XIRP2: variants seen among roughly 807,000 people sequenced by gnomAD.
The protein encoded by XIRP2 is xin actin-binding repeat-containing protein 2.
A neutral mutation model predicts 277.0 loss-of-function variants in XIRP2; 236 were observed. That is an observed-to-expected ratio of 0.85 (90% CI 0.77 to 0.95). XIRP2 has a LOEUF of 0.95. XIRP2 is among the 40% of genes least tolerant of loss of function. The pLI is 0.00. For synonymous variants in XIRP2, 1,490 were observed against 1,416.5 expected, an observed-to-expected ratio of 1.05 and a Z score of -1.17; for missense variants, 4,640 against 4,157.5, an observed-to-expected ratio of 1.12 and a Z score of -3.19.
chr2:166,975,404 T>A (rs1686683601), intron 2 of XIRP2, among the ~76,000 whole-genome samples: 1 of 152,164 alleles, frequency 6.6e-6, no homozygotes, highest in African/African-American at 2.4e-5. Context: ...GGTCATAATA[T>A]AAATCTAAAT....
intron 2 of XIRP2, among the ~76,000 whole-genome samples, chr2:167,058,502 T>C (rs13417677): frequency 0.3 from 45,410 of 152,092 alleles, 8,116 homozygotes; most frequent in African/African-American, 0.49. Flanking sequence ...TCTTCTGGTC[T>C]ACTTGGTCTT....
In XIRP2 at chr2:167,250,925, G is replaced by A. The variant is rs375622239; in HGVS notation, c.9533G>A (p.Arg3178His). Reference sequence around the variant, plus strand: ...ACTTCCCCTTCTCCACCCAGGAGTCGCTCTGAACAACTTGTCAGACTCAAA... The same window carrying A: ...ACTTCCCCTTCTCCACCCAGGAGTCACTCTGAACAACTTGTCAGACTCAAA... ...ANTSPSPPRS[R>H]SEQLVRLKDT... The change falls in exon 9 of 11, where the codon CGC becomes CAC. Residue 3178 changes from arginine (R) to histidine (H), a missense_variant. Arg to His is a conservative substitution (Grantham distance 29). Coordinates refer to ENST00000409195, the MANE Select transcript of XIRP2 (RefSeq NM_152381.6). The A allele has an allele frequency of 8.7e-6, 14 of 1,613,062 alleles. No homozygotes were observed. Among genetic ancestry groups the A allele is most frequent in the East Asian group, 2.2e-5 (1 of 44,798 alleles).
intron 1 of XIRP2, among the ~76,000 whole-genome samples, chr2:166,893,037 G>T (rs937233806): frequency 6.6e-6 from 1 of 150,694 alleles, no homozygotes; most frequent in Non-Finnish European, 1.5e-5. Flanking sequence ...GAGAGGGATC[G>T]CATGCTGATT....
intron 2 of XIRP2, among the ~76,000 whole-genome samples, chr2:167,097,319 G>T (rs936839786): frequency 1.3e-5 from 2 of 151,942 alleles, no homozygotes; most frequent in African/African-American, 4.8e-5. Context: ...TGTCTTTTTT[G>T]ATTTTTGTTG....
intron 3 of XIRP2, among the ~76,000 whole-genome samples, chr2:167,172,836 C>T (rs868329690): frequency 1.1e-4 from 17 of 152,066 alleles, no homozygotes; most frequent in South Asian, 2.1e-4. Flanking sequence ...CCTCAGCTTA[C>T]GAAGATGATG....
chr2:167,229,049 C>T (rs1484453080), intron 5 of XIRP2, among the ~76,000 whole-genome samples: 1 of 152,112 alleles, frequency 6.6e-6, no homozygotes, highest in East Asian at 1.9e-4. Context: ...CACCTAGACC[C>T]TTTCCCCCAA....
At chr2:166,938,067 T>C (rs1685571500) in intron 2 of XIRP2, among the ~76,000 whole-genome samples, 2 of 152,202 alleles carry the variant, frequency 1.3e-5, no homozygotes, top group Admixed American at 1.3e-4. Flanking sequence ...ATTGATTTTT[T>C]GAAGGGTTTT....
At position 167,249,157 on chromosome 2, in the gene XIRP2, T is replaced by C; in HGVS notation, c.7765T>C (p.Leu2589=). 2 of 1,613,658 alleles carry C rather than the reference T, an allele frequency of 1.2e-6. No homozygotes were observed. The highest frequency in any genetic ancestry group is 1.7e-6 in the Non-Finnish European group (2 of 1,179,786). The change falls in exon 9 of 11, where the codon TTA becomes CTA. Residue 2589 remains leucine, a synonymous_variant. Transcript: ENST00000409195. The part of the protein sequence containing the change: ...HITEVEKEMP[L]QKTNEEVSLS... ...AACAGAGGTGGAAAAGGAAATGCCA[T>C]TACAAAAAACCAATGAGGAGGTTTC... is the stretch of plus-strand genomic sequence containing the variant.
In XIRP2 at chr2:167,242,721, T is replaced by C. The variant is rs889419030; in HGVS notation, c.1329T>C (p.Ala443=). Residue 443 remains alanine, a synonymous_variant, in exon 9 of 11, where the codon GCT becomes GCC. Transcript: ENST00000409195. ...VTSSTLAQIN[A]TSSGMTEEFP... ...CCTCAACTCTGGCACAAATTAATGC[T>C]ACTTCTTCAGGAATGACAGAAGAAT... The C allele has an allele frequency of 3.7e-6, 6 of 1,614,014 alleles. No individual in the cohort carries two copies. In the African/African-American group the frequency reaches 6.7e-5, roughly 18 times the overall value.
intron 2 of XIRP2, among the ~76,000 whole-genome samples, chr2:167,022,366 T>C (rs1297015437): frequency 1.3e-5 from 2 of 152,126 alleles, no homozygotes; most frequent in African/African-American, 4.8e-5. Flanking sequence ...ATTTTCTAAA[T>C]GTTGTTGGAT....
intron 2 of XIRP2, among the ~76,000 whole-genome samples, chr2:167,114,957 C>G (rs1690857053): frequency 6.6e-6 from 1 of 152,086 alleles, no homozygotes. Flanking sequence ...TGGGTATATA[C>G]CCAGTAATGG....
chr2:167,073,008 A>G lies in XIRP2; in HGVS notation c.409-62901A>G, dbSNP rs139563543. Among the ~76,000 whole-genome samples, 101 of 152,328 alleles carry G rather than the reference A, an allele frequency of 6.6e-4. No individual in the cohort carries two copies. The East Asian group carries it at 0.015, about 22-fold the overall frequency. On this transcript the variant is annotated intron_variant, in intron 2 of 10. Transcript: ENST00000409195. ...AAAGTAAAATTTTGAAACAACTATG[A>G]TACAACCATGATAGGTTTAGTGAGC...
intron 2 of XIRP2, among the ~76,000 whole-genome samples, chr2:166,923,649 G>A (rs964861497): frequency 6.6e-6 from 1 of 152,060 alleles, no homozygotes; most frequent in African/African-American, 2.4e-5. Flanking sequence ...TGGAAACCAT[G>A]TTACATCCCA....
intron 2 of XIRP2, among the ~76,000 whole-genome samples, chr2:166,942,168 T>A (rs1484305513): frequency 1.3e-5 from 2 of 152,208 alleles, no homozygotes; most frequent in African/African-American, 4.8e-5. Flanking sequence ...AAGTTTCTAA[T>A]GTTGCCATAG....
chr2:167,105,150 A>C (rs1388007991), intron 2 of XIRP2, among the ~76,000 whole-genome samples: 2 of 152,018 alleles, frequency 1.3e-5, no homozygotes, highest in Non-Finnish European at 2.9e-5. Flanking sequence ...GAAATAAAAG[A>C]GATCCCATGC....
chr2:167,110,115 C>T (rs1031616697), intron 2 of XIRP2, among the ~76,000 whole-genome samples: 1 of 152,040 alleles, frequency 6.6e-6, no homozygotes, highest in Non-Finnish European at 1.5e-5. Context: ...TTCTCCTATT[C>T]CGTAAGTTGT....
At chr2:166,997,273 A>G (rs575302547) in intron 2 of XIRP2, among the ~76,000 whole-genome samples, 1 of 152,164 alleles carries the variant, frequency 6.6e-6, no homozygotes, top group Admixed American at 6.5e-5. Context: ...TTAGACTGTC[A>G]TGAACCTTAT....
intron 2 of XIRP2, among the ~76,000 whole-genome samples, chr2:167,119,433 G>T (rs1690991284): frequency 6.6e-6 from 1 of 152,102 alleles, no homozygotes; most frequent in African/African-American, 2.4e-5. Context: ...TACTATAGGG[G>T]TCTCCATGAA....
At position 167,035,246 on chromosome 2, in the gene XIRP2, C is replaced by G. The variant is rs1688479299; in HGVS notation, c.409-100663C>G. On this transcript the variant is annotated intron_variant, in intron 2 of 10. Coordinates refer to ENST00000409195, the MANE Select transcript of XIRP2 (RefSeq NM_152381.6). ...TGGAAGCGACTTTGGATCTGGGAAA[C>G]AGGCAGAAGTTGGAACATTTTGGAA... 2.0e-5 allele frequency among the ~76,000 whole-genome samples: 3 copies of G among 152,136 alleles called. No individual in the cohort carries two copies. In the South Asian group the frequency reaches 6.2e-4, roughly 31 times the overall value.
Sources: gnomAD v4.1 joint callset for allele counts (sites outside exome capture counted in the v4.1 genomes callset) on GRCh38, gnomAD v4.1.1 for gene constraint, MANE v1.5 for transcripts, NCBI Gene and HGNC (gene_info 2026-07-23, HGNC 2026-07-21) for gene names.